LRRC4C: variants seen among roughly 807,000 people sequenced by gnomAD.
LRRC4C encodes the protein leucine rich repeat containing 4C, also known as leucine-rich repeat-containing protein 4C.
Under a neutral mutation model 33.6 loss-of-function variants are expected in LRRC4C, and 5 were observed. That is an observed-to-expected ratio of 0.15 (90% CI 0.08 to 0.31). The LOEUF (loss-of-function observed/expected upper bound fraction) is 0.31, where lower values mean the gene tolerates loss of function less well. LRRC4C is among the 10% of genes least tolerant of loss of function. The pLI, the probability that LRRC4C is intolerant of heterozygous loss-of-function variation, is 1.00. For synonymous variants in LRRC4C, 329 were observed against 302.0 expected, an observed-to-expected ratio of 1.09 and a Z score of -0.93; for missense variants, 560 against 796.7, an observed-to-expected ratio of 0.70 and a Z score of 3.58.
At chr11:40,196,602 G>A (rs905745502) in intron 5 of LRRC4C, among the ~76,000 whole-genome samples, 9 of 152,098 alleles carry the variant, frequency 5.9e-5, no homozygotes, top group African/African-American at 2.2e-4. Context: ...GTATGCAAAT[G>A]GCATGAAGCA....
intron 1 of LRRC4C, among the ~76,000 whole-genome samples, chr11:41,292,180 C>A (rs1950011677): frequency 6.6e-6 from 1 of 152,064 alleles, no homozygotes; most frequent in African/African-American, 2.4e-5. Flanking sequence ...ATGTGAGGAA[C>A]AGCTATTTGA....
At chr11:40,186,427 TTCC>T (rs1471468516) in intron 5 of LRRC4C, among the ~76,000 whole-genome samples, 1 of 152,158 alleles carries the variant, frequency 6.6e-6, no homozygotes, top group Admixed American at 6.5e-5. Flanking sequence ...ATGTTCTTCA[TTCC>T]TCCTCCTCTC....
At chr11:40,744,859 A>C (rs1948337969) in intron 2 of LRRC4C, among the ~76,000 whole-genome samples, 1 of 152,072 alleles carries the variant, frequency 6.6e-6, no homozygotes, top group Admixed American at 6.6e-5. Context: ...ACTTAACTTA[A>C]GTTTTCTTAT....
At chr11:40,356,822 A>G (rs1040255068) in intron 3 of LRRC4C, among the ~76,000 whole-genome samples, 32 of 152,306 alleles carry the variant, frequency 2.1e-4, no homozygotes, top group African/African-American at 7.2e-4. Flanking sequence ...GAAAACTTTC[A>G]TTCCTCAAGT....
intron 3 of LRRC4C, among the ~76,000 whole-genome samples, chr11:40,514,664 T>A (rs1955489353): frequency 6.6e-6 from 1 of 152,260 alleles, no homozygotes; most frequent in African/African-American, 2.4e-5. Flanking sequence ...ATCTATTGTC[T>A]TCTTTGCATA....
At chr11:40,380,844 T>G (rs1160941719) in intron 3 of LRRC4C, among the ~76,000 whole-genome samples, 2 of 152,362 alleles carry the variant, frequency 1.3e-5, no homozygotes, top group South Asian at 2.1e-4. Context: ...GAATTTAATG[T>G]AAATGAAATA....
At chr11:40,182,878 AACTAATTTAGTTTTC>A (rs1263589911) in intron 5 of LRRC4C, among the ~76,000 whole-genome samples, 1 of 152,204 alleles carries the variant, frequency 6.6e-6, no homozygotes, top group East Asian at 1.9e-4. Flanking sequence ...TACACGTGTT[AACTAATTTAGTTTTC>A]ATAATAACGG....
rs142561467 is a variant in LRRC4C at position 40,269,916 on chromosome 11, T to C, written c.-175-28318A>G. Reference sequence around the variant, plus strand: ...GAACTTGGGATTCCTTTTTAGAATCTATTTCTATTGGAATAAATGCAGGAT... The same window carrying C: ...GAACTTGGGATTCCTTTTTAGAATCCATTTCTATTGGAATAAATGCAGGAT... On this transcript the variant is annotated intron_variant, in intron 4 of 6. Transcript: ENST00000528697. Among the ~76,000 whole-genome samples, 118 of 152,270 alleles carry C rather than the reference T, an allele frequency of 7.7e-4. 1 individual carries two copies. The East Asian group carries it at 0.012, about 16-fold the overall frequency.
In LRRC4C at chr11:40,116,270, T is replaced by A. The variant is rs769748721; in HGVS notation, c.23A>T (p.His8Leu). The change falls in exon 7 of 7, where the codon CAT becomes CTT. Residue 8 changes from histidine (H) to leucine (L), a missense_variant. Around this residue, in one of 3 missense-constraint regions of LRRC4C, gnomAD observed 455 missense variants for 643.8 expected, o/e 0.71. Coordinates refer to ENST00000528697, the MANE Select transcript of LRRC4C (RefSeq NM_001258419.2). The stretch of plus-strand genomic sequence containing the variant: ...AGGACCTATCATTATCTGCTGTGGA[T>A]GTAAGGTCATCTTGTTCAACATTCA... The part of the protein sequence containing the change: MLNKMTL[H>L]PQQIMIGPRF... The A allele has an allele frequency of 2.5e-6, 4 of 1,600,814 alleles. No homozygotes were observed. Among genetic ancestry groups the A allele is most frequent in the Admixed American group, 3.4e-5 (2 of 59,302 alleles).
At chr11:40,165,020 T>G (rs567417730) in intron 5 of LRRC4C, among the ~76,000 whole-genome samples, 1 of 152,350 alleles carries the variant, frequency 6.6e-6, no homozygotes, top group South Asian at 2.1e-4. Context: ...AATCTCAGGA[T>G]AATTATACAG....
chr11:41,261,157 G>C (rs1300058089), intron 1 of LRRC4C, among the ~76,000 whole-genome samples: 1 of 151,942 alleles, frequency 6.6e-6, no homozygotes, highest in Non-Finnish European at 1.5e-5. Context: ...ACAGAGTCTT[G>C]TCCCCCTTTT....
At chr11:40,922,974 G>A (rs1365688096) in intron 2 of LRRC4C, among the ~76,000 whole-genome samples, 2 of 152,054 alleles carry the variant, frequency 1.3e-5, no homozygotes, top group Admixed American at 1.3e-4. Flanking sequence ...GCAGGCATAC[G>A]CCACCACACC....
intron 5 of LRRC4C, among the ~76,000 whole-genome samples, chr11:40,186,892 C>T (rs1861445496): frequency 6.6e-6 from 1 of 152,188 alleles, no homozygotes; most frequent in African/African-American, 2.4e-5. Context: ...CTTGATCTCT[C>T]TGTGTGGCTG....
chr11:41,191,690 G>A (rs558857088), intron 1 of LRRC4C, among the ~76,000 whole-genome samples: 45 of 152,192 alleles, frequency 3.0e-4, no homozygotes, highest in African/African-American at 1.0e-3. Flanking sequence ...GCTTTAGAAT[G>A]GGTAGTAGAT....
intron 1 of LRRC4C, among the ~76,000 whole-genome samples, chr11:40,967,213 A>G (rs1357183992): frequency 6.6e-6 from 1 of 151,948 alleles, no homozygotes; most frequent in Non-Finnish European, 1.5e-5. Flanking sequence ...GGAAGGAAGA[A>G]AGAAGGAAAA....
intron 1 of LRRC4C, among the ~76,000 whole-genome samples, chr11:41,126,631 T>C (rs753579786): frequency 1.3e-5 from 2 of 152,022 alleles, no homozygotes; most frequent in African/African-American, 4.8e-5. Flanking sequence ...CTTCCAACAC[T>C]GATTCTGGCC....
chr11:41,113,803 T>C (rs1169068620), intron 1 of LRRC4C, among the ~76,000 whole-genome samples: 1 of 152,060 alleles, frequency 6.6e-6, no homozygotes, highest in African/African-American at 2.4e-5. Context: ...TTTTAACATT[T>C]CTGCATACAT....
intron 1 of LRRC4C, among the ~76,000 whole-genome samples, chr11:41,233,559 C>T (rs1565502607): frequency 1.3e-5 from 2 of 151,904 alleles, no homozygotes; most frequent in Non-Finnish European, 2.9e-5. Context: ...GAAGAAAATA[C>T]ATTACGATAC....
At chr11:41,340,935 A>G (rs554429021) in intron 1 of LRRC4C, among the ~76,000 whole-genome samples, 5 of 152,326 alleles carry the variant, frequency 3.3e-5, no homozygotes. Context: ...AAGAAAGGCA[A>G]TCTAGTAACT....
Sources: allele counts gnomAD v4.1 joint callset (sites outside exome capture counted in the v4.1 genomes callset), GRCh38; gene constraint gnomAD v4.1.1; regional missense constraint gnomAD v4.1.1; transcripts MANE v1.5; gene names NCBI Gene and HGNC (gene_info 2026-07-23, HGNC 2026-07-21).